The following ZNF681 variants were observed in gnomAD, a reference collection of about 807,000 sequenced individuals.
ZNF681 encodes hypothetical protein FLJ31526.
ZNF681 carries 37 observed loss-of-function variants against 56.0 expected under a neutral mutation model. That is an observed-to-expected ratio of 0.66 (90% CI 0.51 to 0.87). The LOEUF is 0.87. Among genes scored for constraint, ZNF681 ranks in the 40% least tolerant of loss-of-function variants. The probability of loss-of-function intolerance (pLI) is 0.00; values close to 1 mark genes in which losing one functional copy is unlikely to be tolerated. For synonymous variants in ZNF681, 225 were observed against 248.6 expected (o/e 0.91, Z 0.89); for missense variants, 741 against 744.9 (o/e 0.99, Z 0.06).
At chr19:23,752,277 G>A (rs1969043229) in intron 3 of ZNF681, among the ~76,000 whole-genome samples, 1 of 152,200 alleles carries the variant, frequency 6.6e-6, no homozygotes, top group Non-Finnish European at 1.5e-5. Context: ...CAGTCTGTAA[G>A]AGGTCACATA....
rs1007077426 is a variant in ZNF681, at chr19:23,739,550, G to C, written c.*4062C>G. ...TACCTAGAATGAAGCATTTGACAAT[G>C]TGTATATACTTCAAAATGTCATGCT... On this transcript the variant is annotated 3_prime_UTR_variant, in exon 4 of 4. Coordinates refer to ENST00000402377, the MANE Select transcript of ZNF681 (RefSeq NM_138286.3). The C allele has an allele frequency of 6.6e-6, 1 of 152,154 alleles. No individual in the cohort carries two copies. Among genetic ancestry groups the C allele is most frequent in the Non-Finnish European group, 1.5e-5 (1 of 68,024 alleles). The allele number at this position is 152,154 out of a possible 1,614,324, so 9.4% of individuals were successfully genotyped here.
intron 1 of ZNF681, among the ~76,000 whole-genome samples, chr19:23,755,918 C>T (rs914876481): frequency 5.9e-5 from 9 of 152,084 alleles, no homozygotes; most frequent in Non-Finnish European, 1.2e-4. Context: ...TTAGTTCAAC[C>T]ATTGTGGAAG....
chr19:23,746,816 C>A (rs1968951318), intron 3 of ZNF681, among the ~76,000 whole-genome samples: 1 of 152,176 alleles, frequency 6.6e-6, no homozygotes, highest in South Asian at 2.1e-4. Flanking sequence ...GGATACACAA[C>A]AAGTCTTATT....
Position 23,754,857 on chromosome 19 carries a change from A to C in ZNF681, c.192T>G (p.Thr64=). 3 of 1,614,080 alleles carry C rather than the reference A, an allele frequency of 1.9e-6. No individual in the cohort carries two copies. The highest frequency in any genetic ancestry group is 2.5e-6 in the Non-Finnish European group (3 of 1,179,986). ...CGGCCACCATCCTATGTCTCTTTCTAGTCCAAGGCTCTTTTTCTTGTTCCA... is the reference window on the plus strand; with the variant it reads ...CGGCCACCATCCTATGTCTCTTTCTCGTCCAAGGCTCTTTTTCTTGTTCCA... ...TCLEQEKEPW[T]RKRHRMVAEP... is the part of the protein sequence containing the mutation. Residue 64 remains threonine, a synonymous_variant, in exon 3 of 4, where the codon ACT becomes ACG. Coordinates refer to ENST00000402377, the MANE Select transcript of ZNF681 (RefSeq NM_138286.3).
At position 23,740,166 on chromosome 19, in the gene ZNF681, A is replaced by G. The variant is rs190688807; in HGVS notation, c.*3446T>C. On this transcript the variant is annotated 3_prime_UTR_variant, in exon 4 of 4. Coordinates refer to ENST00000402377, the MANE Select transcript of ZNF681 (RefSeq NM_138286.3). ...GTGGACACTGTATGCTTTTTGTTTT[A>G]ATTTAACTGATCAGAAAATTATATT... is the stretch of plus-strand genomic sequence containing the variant. 9 of 152,302 alleles carry G rather than the reference A, an allele frequency of 5.9e-5. No homozygotes were observed. The East Asian group carries it at 1.7e-3, about 29-fold the overall frequency. 9.4% of individuals were successfully genotyped at this position (152,302 alleles called of 1,614,324 possible). A position where few individuals can be genotyped will look rare whatever the true frequency, so the allele number is the denominator to read the frequency against.
At chr19:23,758,414 C>T (rs1311340345) in intron 1 of ZNF681, among the ~76,000 whole-genome samples, 1 of 152,180 alleles carries the variant, frequency 6.6e-6, no homozygotes, top group East Asian at 1.9e-4. Flanking sequence ...ACGCCACGGA[C>T]CAAAGCTCTT....
Position 23,743,709 on chromosome 19 carries a change from C to G in ZNF681, c.1841G>C (p.Gly614Ala), listed in dbSNP as rs771143465. ...NLTGHKKIHTGEKLYKPKRCN... is the reference protein window; with the variant it reads ...NLTGHKKIHTAEKLYKPKRCN... ...TCTTTTAGGTTTGTAGAGTTTCTCA[C>G]CAGTATGAATTTTCTTATGTCCAGT... The change falls in exon 4 of 4, where the codon GGT (glycine) becomes GCT (alanine). Residue 614 changes from glycine (G) to alanine (A), a missense_variant. Transcript: ENST00000402377. The G allele has an allele frequency of 1.2e-6, 2 of 1,611,458 alleles. No homozygotes were observed. Among genetic ancestry groups the G allele is most frequent in the Non-Finnish European group, 1.7e-6 (2 of 1,178,756 alleles).
rs145006202 is a variant in ZNF681, at chr19:23,754,619, T to C, written c.226+204A>G. Among the ~76,000 whole-genome samples the C allele has an allele frequency of 3.0e-3, 455 of 152,284 alleles. 1 individual carries two copies. Among genetic ancestry groups the C allele is most frequent in the Middle Eastern group, 6.8e-3 (2 of 294 alleles). On this transcript the variant is annotated intron_variant, in intron 3 of 3. Transcript: ENST00000402377. Reference sequence around the variant, plus strand: ...GATGGAGGTTGCAGTGAGCCCAGACTGTTCCACTGCACTCCAGCTTGGGTG... The same window carrying C: ...GATGGAGGTTGCAGTGAGCCCAGACCGTTCCACTGCACTCCAGCTTGGGTG...
At chr19:23,753,185 G>A (rs1969058748) in intron 3 of ZNF681, among the ~76,000 whole-genome samples, 1 of 152,392 alleles carries the variant, frequency 6.6e-6, no homozygotes, top group South Asian at 2.1e-4. Flanking sequence ...GATCATCTGA[G>A]GTCAAAAGTT....
intron 3 of ZNF681, among the ~76,000 whole-genome samples, chr19:23,746,896 G>T (rs1852439): frequency 0.98 from 149,042 of 152,318 alleles, 73,015 homozygotes; most frequent in Middle Eastern, 1. Flanking sequence ...GACCAAGATG[G>T]GAGGATCTCT....
chr19:23,753,860 C>A (rs80114380), intron 3 of ZNF681, among the ~76,000 whole-genome samples: 3,094 of 123,492 alleles, frequency 0.025, no homozygotes, highest in Middle Eastern at 0.055. Flanking sequence ...GACTTTGTCT[C>A]AAAAAAAAAA....
At chr19:23,750,027 G>A (rs1414225907) in intron 3 of ZNF681, among the ~76,000 whole-genome samples, 2 of 150,948 alleles carry the variant, frequency 1.3e-5, no homozygotes, top group Admixed American at 1.3e-4. Flanking sequence ...GCTCACGCCT[G>A]TAATCTCAGC....
At chr19:23,752,666 G>C (rs1183660788) in intron 3 of ZNF681, among the ~76,000 whole-genome samples, 1 of 152,140 alleles carries the variant, frequency 6.6e-6, no homozygotes, top group Non-Finnish European at 1.5e-5. Flanking sequence ...CCCTAGTGCA[G>C]ACCCAGCAGC....
At chr19:23,750,271 G>A (rs1466396690) in intron 3 of ZNF681, among the ~76,000 whole-genome samples, 29 of 127,616 alleles carry the variant, frequency 2.3e-4, no homozygotes, top group Non-Finnish European at 3.5e-4. Flanking sequence ...GCGACAGAGT[G>A]AGACTCCAAC....
chr19:23,755,351 TA>T, intron 2 of ZNF681, 73 bp downstream of exon 2: 1 of 1,522,224 alleles, frequency 6.6e-7, no homozygotes, highest in South Asian at 1.3e-5. Context: ...ATAAATTACC[TA>T]AAAACATTAT....
Position 23,745,227 on chromosome 19 carries a change from T to G in ZNF681, c.323A>C (p.His108Pro), listed in dbSNP as rs371074100. The change falls in exon 4 of 4, where the codon CAT (histidine) becomes CCT (proline). Residue 108 changes from histidine to proline, a missense_variant. By Grantham distance (77) the His-to-Pro change is moderately conservative. Transcript: ENST00000402377. Reference sequence around the variant, plus strand: ...ACTTTTACTTAACTGTAAATTCTCATGTTCACATTTTCCATATCTTCTTGG... The same window carrying G: ...ACTTTTACTTAACTGTAAATTCTCAGGTTCACATTTTCCATATCTTCTTGG... ...VTPRRYGKCE[H>P]ENLQLSKSVD... 1 of 1,612,196 alleles carries G rather than the reference T, an allele frequency of 6.2e-7. No individual in the cohort carries two copies. Among genetic ancestry groups the G allele is most frequent in the South Asian group, 1.1e-5 (1 of 90,368 alleles).
At chr19:23,757,631 A>G (rs562061953) in intron 1 of ZNF681, among the ~76,000 whole-genome samples, 1 of 152,274 alleles carries the variant, frequency 6.6e-6, no homozygotes, top group South Asian at 2.1e-4. Context: ...TTTGTGTTTC[A>G]GGAATTGTAA....
rs893296837 is a variant in ZNF681 at position 23,739,625 on chromosome 19, T to C, written c.*3987A>G. 16 of 152,304 alleles carry C rather than the reference T, an allele frequency of 1.1e-4. No individual in the cohort carries two copies. Among genetic ancestry groups the C allele is most frequent in the African/African-American group, 3.8e-4 (16 of 41,576 alleles). The allele number at this position is 152,304 out of a possible 1,614,324, so 9.4% of individuals were successfully genotyped here. A position where few individuals can be genotyped will look rare whatever the true frequency, so the allele number is the denominator to read the frequency against. ...ATATTACAGACGGTATGAAAGACAC[T>C]AAAAGGGCAGCTGTTTCTTATGGTC... On this transcript the variant is annotated 3_prime_UTR_variant, in exon 4 of 4. Transcript: ENST00000402377.
In ZNF681 at chr19:23,740,755, T is replaced by C. The variant is rs532849115; in HGVS notation, c.*2857A>G. The C allele has an allele frequency of 6.6e-6, 1 of 152,180 alleles. No homozygotes were observed. Among genetic ancestry groups the C allele is most frequent in the East Asian group, 1.9e-4 (1 of 5,180 alleles). The allele number at this position is 152,180 out of a possible 1,614,324, so 9.4% of individuals were successfully genotyped here. The stretch of plus-strand genomic sequence containing the variant: ...AGTAGGCTTATACAGCGTTCTCCAA[T>C]TAAAAGAACAAAATAAAATATTCTA... On this transcript the variant is annotated 3_prime_UTR_variant, in exon 4 of 4. Transcript: ENST00000402377.
Sources: gnomAD v4.1 joint callset for allele counts (sites outside exome capture counted in the v4.1 genomes callset) on GRCh38, gnomAD v4.1.1 for gene constraint, MANE v1.5 for transcripts, NCBI Gene and HGNC (gene_info 2026-07-23, HGNC 2026-07-21) for gene names.